Variants in DNAH5 observed in about 807,000 individuals in gnomAD.
DNAH5 encodes the protein axonemal beta dynein heavy chain 5.
In DNAH5, 372 loss-of-function variants were observed where a neutral mutation model predicts 518.2. That is an observed-to-expected ratio of 0.72 (90% CI 0.66 to 0.78). The LOEUF is 0.78. DNAH5 is among the 30% of genes least tolerant of loss of function. The pLI, the probability that DNAH5 is intolerant of heterozygous loss-of-function variation, is 0.00. For synonymous variants in DNAH5, 2,039 were observed against 2,025.9 expected, an observed-to-expected ratio of 1.01 and a Z score of -0.17; for missense variants, 5,523 against 5,687.0, an observed-to-expected ratio of 0.97 and a Z score of 0.93.
intron 35 of DNAH5, among the ~76,000 whole-genome samples, chr5:13,832,124 T>C (rs1763752680): frequency 1.3e-5 from 2 of 152,004 alleles, no homozygotes; most frequent in African/African-American, 4.8e-5. Flanking sequence ...AACCCGCACA[T>C]GTACCCCTGA....
chr5:13,713,288 C>CATATATATACCGACAT (rs1422942536), intron 75 of DNAH5, among the ~76,000 whole-genome samples: 1 of 142,692 alleles, frequency 7.0e-6, no homozygotes, highest in Non-Finnish European at 1.5e-5. Context: ...TATATACCAA[C>CATATATATACCGACAT]ATATATATAC....
chr5:13,806,452 AAAT>A (rs1759606947), intron 47 of DNAH5, among the ~76,000 whole-genome samples: 2 of 152,230 alleles, frequency 1.3e-5, no homozygotes, highest in South Asian at 2.1e-4. Flanking sequence ...GTCACCAATT[AAAT>A]TAAGTGATAA....
intron 35 of DNAH5, among the ~76,000 whole-genome samples, chr5:13,835,491 AC>A (rs1163716729): frequency 4.6e-5 from 7 of 152,064 alleles, no homozygotes; most frequent in African/African-American, 1.7e-4. Flanking sequence ...GGCAATTCCC[AC>A]CCTCTTCTCC....
intron 78 of DNAH5, among the ~76,000 whole-genome samples, chr5:13,699,927 C>CA (rs981114223): frequency 1.3e-5 from 2 of 151,794 alleles, no homozygotes; most frequent in South Asian, 2.1e-4. Flanking sequence ...TGAAAGGTGA[C>CA]AAAAAAAGCC....
chr5:13,868,018 T>C (rs914855973), intron 24 of DNAH5, 26 bp from the exon 25 acceptor site: 2 of 1,576,580 alleles, frequency 1.3e-6, no homozygotes, highest in Non-Finnish European at 1.7e-6. Context: ...AAAAACTTAA[T>C]TTTGGCCAGT....
intron 3 of DNAH5, among the ~76,000 whole-genome samples, chr5:13,925,279 G>GA (rs965758713): frequency 3.3e-5 from 5 of 150,836 alleles, no homozygotes; most frequent in Non-Finnish European, 5.9e-5. Flanking sequence ...AATTTCAAAG[G>GA]AAAAAAAAAT....
At chr5:13,937,993 C>A (rs1468205302) in intron 1 of DNAH5, among the ~76,000 whole-genome samples, 1 of 152,144 alleles carries the variant, frequency 6.6e-6, no homozygotes, top group African/African-American at 2.4e-5. Flanking sequence ...CTGTGGTCAA[C>A]CTTGTTCCAA....
At position 13,988,665 on chromosome 5, in the gene DNAH5, G is replaced by A. The variant is rs549558401; in HGVS notation, c.12+22983C>T. Among the ~76,000 whole-genome samples the A allele has an allele frequency of 1.0e-3, 150 of 149,788 alleles. No individual in the cohort carries two copies. The Middle Eastern group carries it at 0.011, about 11-fold the overall frequency. The stretch of plus-strand genomic sequence containing the variant: ...ACTCCTGACCTCAAGTGATCCACCT[G>A]CCTCGCTCAGCCTCCCAAAGTGCTG... On this transcript the variant is annotated intron_variant, in intron 1 of 78. Transcript: ENST00000681290.
rs1268685266 is a variant in DNAH5 at position 13,823,362 on chromosome 5, C to T, written c.6588G>A (p.Glu2196=). The T allele has an allele frequency of 3.7e-6, 6 of 1,608,434 alleles. No homozygotes were observed. The highest frequency in any genetic ancestry group is 1.1e-5 in the South Asian group (1 of 90,986). The change falls in exon 40 of 79, where the codon GAG becomes GAA. Residue 2196 remains glutamate (E), a synonymous_variant. Transcript: ENST00000265104. The part of the protein sequence containing the change: ...RDMNLSKLID[E]DEPLFLSLIE... ...TCAAACTCAAAAACAAGGGTTCATC[C>T]TCATCAATCTAAAAAAAGAAAATGG...
chr5:13,781,816 T>C (rs565586650), intron 52 of DNAH5, among the ~76,000 whole-genome samples: 1 of 152,242 alleles, frequency 6.6e-6, no homozygotes, highest in Non-Finnish European at 1.5e-5. Context: ...GATGTTGGAA[T>C]TTTAAAAAGA....
intron 52 of DNAH5, among the ~76,000 whole-genome samples, chr5:13,784,349 G>A (rs770900750): frequency 4.6e-5 from 7 of 152,034 alleles, no homozygotes; most frequent in Non-Finnish European, 7.4e-5. Flanking sequence ...AATTAAGAGC[G>A]AATTTCAAAA....
chr5:13,925,505 C>G (rs146093590), intron 3 of DNAH5, among the ~76,000 whole-genome samples: 1 of 152,172 alleles, frequency 6.6e-6, no homozygotes, highest in Admixed American at 6.5e-5. Flanking sequence ...TACAGTTCCA[C>G]GTGGCTGGGG....
intron 1 of DNAH5, among the ~76,000 whole-genome samples, chr5:13,938,668 C>T (rs1308295269): frequency 6.6e-6 from 1 of 151,846 alleles, no homozygotes; most frequent in Non-Finnish European, 1.5e-5. Context: ...AATATATTCC[C>T]CCTGGATAAG....
intron 1 of DNAH5, among the ~76,000 whole-genome samples, chr5:13,976,384 C>T (rs1046186333): frequency 1.3e-5 from 2 of 152,134 alleles, no homozygotes; most frequent in Non-Finnish European, 2.9e-5. Flanking sequence ...CTCACTCACA[C>T]TCGTGCTGTG....
intron 1 of DNAH5, among the ~76,000 whole-genome samples, chr5:14,009,472 T>C (rs1413480118): frequency 2.0e-5 from 3 of 152,246 alleles, no homozygotes; most frequent in Non-Finnish European, 4.4e-5. Flanking sequence ...ACACCTTCTA[T>C]TTGCTTGAGT....
At chr5:13,791,160 G>A (rs1464169148) in intron 50 of DNAH5, among the ~76,000 whole-genome samples, 1 of 152,132 alleles carries the variant, frequency 6.6e-6, no homozygotes, top group Admixed American at 6.6e-5. Context: ...CTGGACAGAG[G>A]TGAGTTTTTT....
chr5:13,745,253 T>C (rs750619322), intron 65 of DNAH5, among the ~76,000 whole-genome samples: 51 of 152,190 alleles, frequency 3.4e-4, no homozygotes, highest in South Asian at 6.2e-4. Flanking sequence ...GTTGTAGGCC[T>C]ACAACATGTT....
rs753893874 is a variant in DNAH5 at position 13,882,723 on chromosome 5, T to C, written c.3262+5A>G. On this transcript the variant is annotated splice_donor_5th_base_variant and intron_variant, in intron 21 of 78. Coordinates refer to ENST00000265104, the MANE Select transcript of DNAH5 (RefSeq NM_001369.3). ...CCTCTTTTAAAAGACTAAAAGAACA[T>C]TTACCTTGAAGTTCATTTTCTCCCA... 1.0e-5 allele frequency: 16 copies of C among 1,607,618 alleles called. No homozygotes were observed. Among genetic ancestry groups the C allele is most frequent in the Non-Finnish European group, 1.3e-5 (15 of 1,174,492 alleles).
intron 1 of DNAH5, among the ~76,000 whole-genome samples, chr5:13,993,368 A>C (rs886561650): frequency 6.6e-6 from 1 of 152,148 alleles, no homozygotes; most frequent in Non-Finnish European, 1.5e-5. Flanking sequence ...GCTGGGAGGG[A>C]TTCTCATTTT....
Sources: gnomAD v4.1 joint callset for allele counts (sites outside exome capture counted in the v4.1 genomes callset) on GRCh38, gnomAD v4.1.1 for gene constraint, MANE v1.5 for transcripts, NCBI Gene and HGNC (gene_info 2026-07-23, HGNC 2026-07-21) for gene names.